Variants in INPP4B observed in about 807,000 individuals in gnomAD.
INPP4B encodes inositol polyphosphate 4-phosphatase type II.
In INPP4B, 55 loss-of-function variants were observed where a neutral mutation model predicts 122.5. The ratio of observed to expected loss-of-function variants is 0.45; its 90% CI spans 0.36 to 0.56. INPP4B has a LOEUF of 0.56. Ranked by LOEUF, INPP4B falls within the 20% of genes least tolerant of loss-of-function variation. The pLI, the probability that INPP4B is intolerant of heterozygous loss-of-function variation, is 0.00. For synonymous variants in INPP4B, 403 were observed against 388.7 expected (o/e 1.04, Z -0.43); for missense variants, 1,000 against 1,097.7 (o/e 0.91, Z 1.26).
chr4:142,443,831 G>T (rs1371056845), intron 3 of INPP4B, among the ~76,000 whole-genome samples: 1 of 152,032 alleles, frequency 6.6e-6, no homozygotes, highest in Non-Finnish European at 1.5e-5. Flanking sequence ...GGAGGAAGAA[G>T]AGAAGAAGAT....
At chr4:142,806,764 GAAGAAAGAAAGAAAGAAAGAAGGAAAGA>G (rs1309261087) in intron 1 of INPP4B, among the ~76,000 whole-genome samples, 623 of 39,102 alleles carry the variant, frequency 0.016, 11 homozygotes, top group African/African-American at 0.033. Context: ...GAAGAAGAAA[GAAGAAAGAAAGAAAGAAAGAAGGAAAGA>G]AAGAAAGAAA....
chr4:142,068,489 A>C (rs187988517), intron 25 of INPP4B, among the ~76,000 whole-genome samples: 10 of 152,260 alleles, frequency 6.6e-5, no homozygotes, highest in East Asian at 5.8e-4. Flanking sequence ...CAATATTAAC[A>C]TTAAATGTAA....
intron 18 of INPP4B, among the ~76,000 whole-genome samples, chr4:142,145,265 G>A (rs1810068319): frequency 6.6e-6 from 1 of 151,968 alleles, no homozygotes; most frequent in African/African-American, 2.4e-5. Context: ...AAAAACACAT[G>A]CACTCACATG....
chr4:142,793,440 A>C (rs538115233), intron 1 of INPP4B, among the ~76,000 whole-genome samples: 1 of 152,134 alleles, frequency 6.6e-6, no homozygotes, highest in Non-Finnish European at 1.5e-5. Flanking sequence ...AGCAACGATC[A>C]GTGGAACAAA....
At chr4:142,431,876 C>T (rs144944007) in intron 3 of INPP4B, among the ~76,000 whole-genome samples, 126 of 152,118 alleles carry the variant, frequency 8.3e-4, no homozygotes, top group African/African-American at 2.9e-3. Flanking sequence ...CAAGATGAGC[C>T]AACAGGTTGT....
rs144958048 is a variant in INPP4B at position 142,569,103 on chromosome 4, A to G, written c.-190-106377T>C. ...ATAATAATGGGAAATAATATTTGCT[A>G]CATTGCACACAATTGTACACACATA... On this transcript the variant is annotated intron_variant, in intron 2 of 25. Transcript: ENST00000262992. 2.7e-3 allele frequency among the ~76,000 whole-genome samples: 413 copies of G among 152,296 alleles called. 6 individuals carry two copies. Among genetic ancestry groups the G allele is most frequent in the East Asian group, 0.018 (93 of 5,184 alleles).
intron 16 of INPP4B, among the ~76,000 whole-genome samples, chr4:142,162,740 C>T (rs1820722198): frequency 6.6e-6 from 1 of 151,942 alleles, no homozygotes; most frequent in South Asian, 2.1e-4. Context: ...TGATTTACCA[C>T]CAAAGGCAAG....
intron 9 of INPP4B, among the ~76,000 whole-genome samples, chr4:142,298,037 C>A (rs1198492754): frequency 6.6e-6 from 1 of 152,176 alleles, no homozygotes; most frequent in African/African-American, 2.4e-5. Flanking sequence ...TAAGCTCGGA[C>A]TTGCACCCAA....
chr4:142,099,398 T>C (rs997850577), intron 23 of INPP4B, among the ~76,000 whole-genome samples: 1 of 152,154 alleles, frequency 6.6e-6, no homozygotes, highest in Non-Finnish European at 1.5e-5. Context: ...AAATAAAATA[T>C]GCAAAATATT....
intron 9 of INPP4B, among the ~76,000 whole-genome samples, chr4:142,289,073 C>A (rs1027933892): frequency 5.3e-5 from 8 of 152,122 alleles, no homozygotes; most frequent in African/African-American, 1.9e-4. Flanking sequence ...ATTATACTTT[C>A]TCCTCTCCAT....
intron 12 of INPP4B, 69 bp from the exon 13 acceptor site, chr4:142,209,095 A>C: frequency 9.3e-7 from 1 of 1,079,884 alleles, no homozygotes; most frequent in Non-Finnish European, 1.3e-6. Flanking sequence ...ACCCTTAGTC[A>C]GAGTTGTCAA....
chr4:142,761,678 TA>T (rs1325635134), intron 1 of INPP4B, among the ~76,000 whole-genome samples: 1 of 152,202 alleles, frequency 6.6e-6, no homozygotes, highest in Non-Finnish European at 1.5e-5. Context: ...GTTTCTATTT[TA>T]CACATTGACA....
At chr4:142,663,784 T>C (rs188726430) in intron 2 of INPP4B, among the ~76,000 whole-genome samples, 3,001 of 152,304 alleles carry the variant, frequency 0.02, 51 homozygotes, top group Non-Finnish European at 0.033. Flanking sequence ...TCACCATAGT[T>C]TTCTGATTTT....
intron 11 of INPP4B, among the ~76,000 whole-genome samples, chr4:142,252,088 T>C (rs931107545): frequency 2.0e-5 from 3 of 152,114 alleles, no homozygotes; most frequent in Non-Finnish European, 2.9e-5. Context: ...ATTTGTGAAA[T>C]ATGGATAATG....
chr4:142,624,338 A>C (rs964504119), intron 2 of INPP4B, among the ~76,000 whole-genome samples: 2 of 150,966 alleles, frequency 1.3e-5, no homozygotes, highest in African/African-American at 4.9e-5. Context: ...GCATTTTTTC[A>C]TGTGTTTTTT....
At chr4:142,194,068 C>T (rs535028235) in intron 14 of INPP4B, among the ~76,000 whole-genome samples, 6 of 152,188 alleles carry the variant, frequency 3.9e-5, no homozygotes, top group South Asian at 4.1e-4. Context: ...ATCTCATTTA[C>T]GAGGAAAACA....
chr4:142,164,929 A>G (rs1412841499), intron 16 of INPP4B, among the ~76,000 whole-genome samples: 1 of 151,330 alleles, frequency 6.6e-6, no homozygotes, highest in Non-Finnish European at 1.5e-5. Flanking sequence ...GGCCTTTTCA[A>G]TTTCTTTTCT....
At chr4:142,431,616 G>C (rs938576895) in intron 3 of INPP4B, among the ~76,000 whole-genome samples, 1 of 152,048 alleles carries the variant, frequency 6.6e-6, no homozygotes, top group Non-Finnish European at 1.5e-5. Context: ...AACATGAAAG[G>C]TGTATTATTT....
At chr4:142,622,181 A>C (rs1044921604) in intron 2 of INPP4B, among the ~76,000 whole-genome samples, 1 of 151,860 alleles carries the variant, frequency 6.6e-6, no homozygotes, top group East Asian at 1.9e-4. Flanking sequence ...GACTCCCAAA[A>C]AGCTCAATGT....
Sources: allele counts gnomAD v4.1 joint callset (sites outside exome capture counted in the v4.1 genomes callset), GRCh38; gene constraint gnomAD v4.1.1; transcripts MANE v1.5; gene names NCBI Gene and HGNC (gene_info 2026-07-23, HGNC 2026-07-21).